Variants in ASIC3 observed in about 807,000 individuals in gnomAD.
ASIC3 encodes the protein acid-sensing ion channel 3.
Under a neutral mutation model 58.6 loss-of-function variants are expected in ASIC3, and 46 were observed. The ratio of observed to expected loss-of-function variants is 0.79; its 90% CI spans 0.62 to 1.00. The LOEUF (loss-of-function observed/expected upper bound fraction) is 1.00. Ranked by LOEUF, ASIC3 falls within the 50% of genes least tolerant of loss-of-function variation. The pLI is 0.00. For synonymous variants in ASIC3, 336 were observed against 300.2 expected (o/e 1.12, Z -1.23); for missense variants, 770 against 735.0 (o/e 1.05, Z -0.55).
chr7:151,052,737 T>G lies in ASIC3; in HGVS notation c.*85T>G. 2 of 1,613,878 alleles carry G rather than the reference T, an allele frequency of 1.2e-6. No homozygotes were observed. Among genetic ancestry groups the G allele is most frequent in the Non-Finnish European group, 1.7e-6 (2 of 1,179,848 alleles). The stretch of plus-strand genomic sequence containing the variant: ...GTAGCTTTTCCGTCTTCACCCCAAA[T>G]AAAGTCCTAATGCATCAGCCTCAGC... On this transcript the variant is annotated 3_prime_UTR_variant, in exon 11 of 11. Coordinates refer to ENST00000349064, the MANE Select transcript of ASIC3 (RefSeq NM_004769.4). The surrounding 1 kb of genome is among the most constrained non-coding windows in gnomAD (Gnocchi z 5.0).
In ASIC3 at chr7:151,049,312, A is replaced by G. The variant is rs753571682; in HGVS notation, c.427A>G (p.Thr143Ala). ...ACCGCCCGGCTTCATGCCCAGTCCC[A>G]CCTTTGACATGGCGCAACTCTATGC... ...PAPPGFMPSP[T>A]FDMAQLYARA... Residue 143 changes from threonine (T) to alanine (A), a missense_variant, in exon 1 of 11, where the codon ACC becomes GCC. Coordinates refer to ENST00000349064, the MANE Select transcript of ASIC3 (RefSeq NM_004769.4). 2 of 1,612,806 alleles carry G rather than the reference A, an allele frequency of 1.2e-6. No individual in the cohort carries two copies. The highest frequency in any genetic ancestry group is 1.7e-6 in the Non-Finnish European group (2 of 1,179,892).
rs374565191 is a variant in ASIC3, at chr7:151,050,910, C to G, written c.966C>G (p.Arg322=). 7.4e-6 allele frequency: 12 copies of G among 1,613,550 alleles called. No homozygotes were observed. The highest frequency in any genetic ancestry group is 9.3e-6 in the Non-Finnish European group (11 of 1,180,006). The change falls in exon 4 of 11, where the codon CGC becomes CGG. Residue 322 remains arginine, a synonymous_variant. Transcript: ENST00000349064. ...LMGCRLACET[R]YVARKCGCRM... ...GGTGTCGCCTGGCCTGCGAAACCCGCTACGTGGCTCGGAAGTGCGGCTGCC... is the reference window on the plus strand; with the variant it reads ...GGTGTCGCCTGGCCTGCGAAACCCGGTACGTGGCTCGGAAGTGCGGCTGCC...
chr7:151,050,660 GACCCTAAACCCTCAGCTCCTCA>G, intron 3 of ASIC3, 52 bp downstream of exon 3: 1 of 1,610,514 alleles, frequency 6.2e-7, no homozygotes. Flanking sequence ...CACCACCTCA[GACCCTAAACCCTCAGCTCCTCA>G]GACCTGTCTA....
rs1796707870 is a variant in ASIC3 at position 151,049,308 on chromosome 7, TC to T, written c.426del (p.Thr143ProfsTer130). The T allele has an allele frequency of 1.9e-6, 3 of 1,612,986 alleles. No individual in the cohort carries two copies. Among genetic ancestry groups the T allele is most frequent in the Admixed American group, 1.7e-5 (1 of 60,006 alleles). The part of the protein sequence containing the change: ...PPAPPGFMPS[P>X]TFDMAQLYAR... ...CTGCACCGCCCGGCTTCATGCCCAG[TC>T]CCACCTTTGACATGGCGCAACTCTA... On this transcript the variant is annotated frameshift_variant, in exon 1 of 11. Transcript: ENST00000349064. LOFTEE classifies it high-confidence loss of function.
chr7:151,048,737 C>G lies in ASIC3; in HGVS notation c.-149C>G, dbSNP rs190713987. On this transcript the variant is annotated 5_prime_UTR_variant, in exon 1 of 11. Coordinates refer to ENST00000349064, the MANE Select transcript of ASIC3 (RefSeq NM_004769.4). ...CCAATCCTGCCAGGCTAGTGCCTCC[C>G]TGCCTTCCAACCTTGGCTGTCTCCC... 7 of 985,910 alleles carry G rather than the reference C, an allele frequency of 7.1e-6. No homozygotes were observed. The highest frequency in any genetic ancestry group is 2.4e-5 in the East Asian group (1 of 41,264). The allele number at this position is 985,910 out of a possible 1,614,324, so 61.1% of individuals were successfully genotyped here.
chr7:151,049,022 CA>C lies in ASIC3; in HGVS notation c.138del (p.Ala47ArgfsTer56). 1.9e-6 allele frequency: 3 copies of C among 1,613,474 alleles called. No homozygotes were observed. Among genetic ancestry groups the C allele is most frequent in the Non-Finnish European group, 2.5e-6 (3 of 1,179,776 alleles). On this transcript the variant is annotated frameshift_variant, in exon 1 of 11. Coordinates refer to ENST00000349064, the MANE Select transcript of ASIC3 (RefSeq NM_004769.4). LOFTEE classifies it high-confidence loss of function. ...CTGAGCCTGCGCCGGGGGATGTGGG[CA>C]GCGGCCGTGGTCCTGTCAGTGGCCA... ...GSLSLRRGMW[A>X]AAVVLSVATF...
At position 151,050,605 on chromosome 7, in the gene ASIC3, G is replaced by T. The variant is rs1482728681; in HGVS notation, c.810G>T (p.Gln270His). Residue 270 changes from glutamine to histidine, a missense_variant, in exon 3 of 11, where the codon CAG becomes CAT. Coordinates refer to ENST00000349064, the MANE Select transcript of ASIC3 (RefSeq NM_004769.4). ...AGACCTTTGTTTCTTGCCAGCAGCA[G>T]CAGGTACCCTTCCGTGTGCCTCCAC... is the stretch of plus-strand genomic sequence containing the variant. ...GYQTFVSCQQ[Q>H]QLSFLPPPWG... 1 of 1,614,024 alleles carries T rather than the reference G, an allele frequency of 6.2e-7. No individual in the cohort carries two copies. The highest frequency in any genetic ancestry group is 8.5e-7 in the Non-Finnish European group (1 of 1,179,946).
At position 151,048,776 on chromosome 7, in the gene ASIC3, C is replaced by G. The variant is rs896859146; in HGVS notation, c.-110C>G. 7.3e-7 allele frequency: 1 copy of G among 1,361,530 alleles called. No homozygotes were observed. Among genetic ancestry groups the G allele is most frequent in the South Asian group, 1.4e-5 (1 of 70,052 alleles). 84.3% of individuals were successfully genotyped at this position (1,361,530 alleles called of 1,614,324 possible). A position where few individuals can be genotyped will look rare whatever the true frequency, so the allele number is the denominator to read the frequency against. Reference sequence around the variant, plus strand: ...TGGCTGTCTCCCACCCTCTCTTCTCCTCTCCTTGCCTGGCCTCCTGAATCC... The same window carrying G: ...TGGCTGTCTCCCACCCTCTCTTCTCGTCTCCTTGCCTGGCCTCCTGAATCC... On this transcript the variant is annotated 5_prime_UTR_variant, in exon 1 of 11. Transcript: ENST00000349064.
Position 151,049,087 on chromosome 7 carries a change from A to G in ASIC3, c.202A>G (p.Arg68Gly), listed in dbSNP as rs1223497716. 1.2e-6 allele frequency: 2 copies of G among 1,613,770 alleles called. No homozygotes were observed. The highest frequency in any genetic ancestry group is 1.3e-5 in the African/African-American group (1 of 74,932). Residue 68 changes from arginine to glycine, a missense_variant, in exon 1 of 11, where the codon AGG becomes GGG. Physicochemically the swap from Arg to Gly is moderately radical, Grantham distance 125. Coordinates refer to ENST00000349064, the MANE Select transcript of ASIC3 (RefSeq NM_004769.4). ...GGTGGCTGAGAGGGTGCGCTACTAC[A>G]GGGAGTTCCACCACCAGACTGCCCT... The part of the protein sequence containing the change: ...YQVAERVRYY[R>G]EFHHQTALDE...
chr7:151,049,723 G>A (rs57236379), intron 1 of ASIC3, among the ~76,000 whole-genome samples: 1,599 of 152,310 alleles, frequency 0.01, 27 homozygotes, highest in African/African-American at 0.036. Context: ...CCTCCATGGT[G>A]GGACCATTCT....
In ASIC3 at chr7:151,051,870, G is replaced by A. The variant is rs1584969479; in HGVS notation, c.1275G>A (p.Gln425=). Residue 425 remains glutamine, a synonymous_variant, in exon 7 of 11, where the codon CAG becomes CAA. Transcript: ENST00000349064. ...FEALNYETVE[Q]KKAYEMSELL... is the part of the protein sequence containing the mutation. Reference sequence around the variant, plus strand: ...CCCTCAACTATGAGACCGTGGAGCAGAAGAAGGCCTATGAGATGTCAGAGC... The same window carrying A: ...CCCTCAACTATGAGACCGTGGAGCAAAAGAAGGCCTATGAGATGTCAGAGC... The A allele has an allele frequency of 2.5e-6, 4 of 1,612,566 alleles. No homozygotes were observed. Among genetic ancestry groups the A allele is most frequent in the African/African-American group, 2.7e-5 (2 of 73,976 alleles).
rs959582219 is a variant in ASIC3, at chr7:151,050,942, T to C, written c.998T>C (p.Val333Ala). 2 of 1,613,108 alleles carry C rather than the reference T, an allele frequency of 1.2e-6. No homozygotes were observed. Among genetic ancestry groups the C allele is most frequent in the African/African-American group, 2.7e-5 (2 of 74,872 alleles). The change falls in exon 4 of 11, where the codon GTG becomes GCG. Residue 333 changes from valine to alanine, a missense_variant. By Grantham distance (64) the Val-to-Ala change is moderately conservative. Transcript: ENST00000349064. ...YVARKCGCRM[V>A]YMPGDVPVCS... ...GCTCGGAAGTGCGGCTGCCGAATGG[T>C]GTACATGCCAGGTGAGGGGCTGGGG...
At position 151,050,702 on chromosome 7, in the gene ASIC3, C is replaced by G; in HGVS notation, c.814-56C>G. The G allele has an allele frequency of 3.7e-6, 6 of 1,605,046 alleles. No homozygotes were observed. In the South Asian group the frequency reaches 5.5e-5, roughly 15 times the overall value. ...TCCTCAGACCTGTCTAGGGGCCTCTCCCCAGCTGGCCTCTCACGCTCTCCG... is the reference window on the plus strand; with the variant it reads ...TCCTCAGACCTGTCTAGGGGCCTCTGCCCAGCTGGCCTCTCACGCTCTCCG... On this transcript the variant is annotated intron_variant, in intron 3 of 10. Transcript: ENST00000349064.
In ASIC3 at chr7:151,052,569, C is replaced by T. The variant is rs748736458; in HGVS notation, c.1518-5C>T. On this transcript the variant is annotated splice_polypyrimidine_tract_variant and splice_region_variant and intron_variant, in intron 10 of 10. Coordinates refer to ENST00000349064, the MANE Select transcript of ASIC3 (RefSeq NM_004769.4). The surrounding 1 kb of genome is among the most constrained non-coding windows in gnomAD (Gnocchi z 5.0). ...CCCACCCCAGCACTCTGCTCTGTTCCGAAGACCTCCCACCCCTCCCTGTGC... is the reference window on the plus strand; with the variant it reads ...CCCACCCCAGCACTCTGCTCTGTTCTGAAGACCTCCCACCCCTCCCTGTGC... 2.9e-5 allele frequency: 47 copies of T among 1,613,526 alleles called. No individual in the cohort carries two copies. The highest frequency in any genetic ancestry group is 7.7e-5 in the South Asian group (7 of 90,964).
chr7:151,052,458 C>G lies in ASIC3; in HGVS notation c.1501C>G (p.Leu501Val). ...LGSHRTQVPH[L>V]SLGPRPPTPP... ...CAGCCATCGAACCCAAGTTCCCCAC[C>G]TCAGCCTGGGCCCCAGGTAACACAT... Residue 501 changes from leucine to valine, a missense_variant, in exon 10 of 11, where the codon CTC becomes GTC. Transcript: ENST00000349064. This position sits in a 1 kb window ranked among gnomAD's most constrained non-coding sequence, Gnocchi z 5.0. 2 of 1,614,140 alleles carry G rather than the reference C, an allele frequency of 1.2e-6. No homozygotes were observed. The highest frequency in any genetic ancestry group is 1.7e-6 in the Non-Finnish European group (2 of 1,179,990).
Position 151,050,801 on chromosome 7 carries a change from C to T in ASIC3, c.857C>T (p.Ser286Phe). The stretch of plus-strand genomic sequence containing the variant: ...CCCTGGGGCGATTGCAGTTCAGCAT[C>T]TCTGAACCCCAACTATGAGCCAGAG... ...PPPWGDCSSA[S>F]LNPNYEPEPS... Residue 286 changes from serine to phenylalanine, a missense_variant, in exon 4 of 11, where the codon TCT becomes TTT. Ser to Phe is a radical substitution (Grantham distance 155, BLOSUM62 -2). Transcript: ENST00000349064. 1 of 1,613,906 alleles carries T rather than the reference C, an allele frequency of 6.2e-7. No homozygotes were observed. The highest frequency in any genetic ancestry group is 1.1e-5 in the South Asian group (1 of 91,092).
chr7:151,050,287 G>A, intron 2 of ASIC3, 31 bp downstream of exon 2: 1 of 1,599,908 alleles, frequency 6.3e-7, no homozygotes, highest in Non-Finnish European at 8.5e-7. Context: ...GCTGGGGGAG[G>A]GCACGGATGG....
rs748626648 is a variant in ASIC3 at position 151,049,133 on chromosome 7, G to A, written c.248G>A (p.Arg83Gln). ...GCCCTGGATGAGCGAGAAAGCCACC[G>A]GCTCATCTTCCCGGCTGTCACCCTG... Reference protein sequence around the residue: ...QTALDERESHRLIFPAVTLCN... With the variant: ...QTALDERESHQLIFPAVTLCN... The change falls in exon 1 of 11, where the codon CGG (arginine) becomes CAG (glutamine). Residue 83 changes from arginine (R) to glutamine (Q), a missense_variant. Arg to Gln is a conservative substitution (Grantham distance 43, BLOSUM62 1). Transcript: ENST00000349064. 20 of 1,613,766 alleles carry A rather than the reference G, an allele frequency of 1.2e-5. No individual in the cohort carries two copies. The highest frequency in any genetic ancestry group is 8.3e-5 in the Admixed American group (5 of 60,012).
Position 151,049,351 on chromosome 7 carries a change from TC to T in ASIC3, c.469del (p.Leu157TrpfsTer116). Reference protein sequence around the residue: ...MAQLYARAGHSLDDMLLDCRF... With the variant: ...MAQLYARAGHXLDDMLLDCRF... ...GCAACTCTATGCCCGTGCTGGGCACTCCCTGGATGACATGCTGCTGGACTGT... is the reference window on the plus strand; with the variant it reads ...GCAACTCTATGCCCGTGCTGGGCACTCCTGGATGACATGCTGCTGGACTGT... On this transcript the variant is annotated frameshift_variant, in exon 1 of 11. Coordinates refer to ENST00000349064, the MANE Select transcript of ASIC3 (RefSeq NM_004769.4). LOFTEE classifies it high-confidence loss of function. 1 of 1,612,666 alleles carries T rather than the reference TC, an allele frequency of 6.2e-7. No individual in the cohort carries two copies.
Sources: allele counts gnomAD v4.1 joint callset (sites outside exome capture counted in the v4.1 genomes callset), GRCh38; gene constraint gnomAD v4.1.1; non-coding constraint Gnocchi (gnomAD v3.1); transcripts MANE v1.5; gene names NCBI Gene and HGNC (gene_info 2026-07-23, HGNC 2026-07-21).